Variants in R3HDM1 observed in about 807,000 individuals in gnomAD.
The protein encoded by R3HDM1 is R3H domain-containing protein 1.
A neutral mutation model predicts 141.1 loss-of-function variants in R3HDM1; 46 were observed. The ratio of observed to expected loss-of-function variants is 0.33; its 90% CI spans 0.26 to 0.42. The LOEUF (loss-of-function observed/expected upper bound fraction) is 0.42, where lower values mean the gene tolerates loss of function less well. R3HDM1 is among the 10% of genes least tolerant of loss of function. The probability of loss-of-function intolerance (pLI) is 1.00; values close to 1 mark genes in which losing one functional copy is unlikely to be tolerated. For synonymous variants in R3HDM1, 435 were observed against 472.9 expected, an observed-to-expected ratio of 0.92 and a Z score of 1.04; for missense variants, 1,184 against 1,368.3, an observed-to-expected ratio of 0.87 and a Z score of 2.12.
chr2:135,666,241 G>A (rs1021582325), intron 19 of R3HDM1, among the ~76,000 whole-genome samples: 1 of 152,184 alleles, frequency 6.6e-6, no homozygotes, highest in Non-Finnish European at 1.5e-5. Context: ...GCAAAGAAAA[G>A]TCAGCACTAC....
chr2:135,580,670 C>T (rs1236859650), intron 1 of R3HDM1, among the ~76,000 whole-genome samples: 2 of 152,174 alleles, frequency 1.3e-5, no homozygotes, highest in African/African-American at 4.8e-5. Flanking sequence ...AAACTTCACT[C>T]ACAAGGCCTT....
chr2:135,697,051 C>T (rs1460666624), intron 21 of R3HDM1, among the ~76,000 whole-genome samples: 5 of 151,788 alleles, frequency 3.3e-5, no homozygotes, highest in Non-Finnish European at 5.9e-5. Flanking sequence ...GGTGAGAGAT[C>T]GGGGGGAAAC....
intron 1 of R3HDM1, chr2:135,586,794 AC>A: frequency 1.0e-6 from 1 of 985,246 alleles, no homozygotes; most frequent in African/African-American, 1.7e-5. Context: ...AGAATGGTTT[AC>A]CTGTGTGCTA....
intron 3 of R3HDM1, among the ~76,000 whole-genome samples, chr2:135,611,090 T>A: frequency 7.1e-6 from 1 of 140,186 alleles, no homozygotes. Flanking sequence ...GGCAACAGAG[T>A]AAGACCTGTC....
At chr2:135,720,676 G>T (rs1368452823) in intron 24 of R3HDM1, among the ~76,000 whole-genome samples, 2 of 152,134 alleles carry the variant, frequency 1.3e-5, no homozygotes, top group African/African-American at 4.8e-5. Context: ...TTCTGAACAG[G>T]TTCAAATTAT....
chr2:135,700,067 A>G (rs1036480692), intron 21 of R3HDM1, among the ~76,000 whole-genome samples: 3 of 152,180 alleles, frequency 2.0e-5, no homozygotes, highest in East Asian at 1.9e-4. Context: ...TTTAAATTCT[A>G]CCTCTAAAAT....
chr2:135,619,537 A>G (rs2061360424), intron 5 of R3HDM1, among the ~76,000 whole-genome samples: 1 of 152,208 alleles, frequency 6.6e-6, no homozygotes, highest in Non-Finnish European at 1.5e-5. Context: ...TCTCTTAGAT[A>G]CAATAAGCTT....
chr2:135,722,330 C>T, intron 25 of R3HDM1, 139 bp from the exon 26 acceptor site: 1 of 826,398 alleles, frequency 1.2e-6, no homozygotes, highest in East Asian at 2.7e-5. Flanking sequence ...CAGGCAGAAT[C>T]CAGAAGGCCT....
At position 135,531,597 on chromosome 2, in the gene R3HDM1, C is replaced by G. The variant is rs1694692983; in HGVS notation, c.-286C>G. ...CCAGCCCCGCCGTCGCCCCGCCGCGCCGCGCTCCAACCGCCTCCTCCTCCT... is the reference window on the plus strand; with the variant it reads ...CCAGCCCCGCCGTCGCCCCGCCGCGGCGCGCTCCAACCGCCTCCTCCTCCT... On this transcript the variant is annotated 5_prime_UTR_variant, in exon 1 of 27. Transcript: ENST00000683871. The G allele has an allele frequency of 5.1e-6, 5 of 987,032 alleles. No individual in the cohort carries two copies. The highest frequency in any genetic ancestry group is 6.0e-6 in the Non-Finnish European group (5 of 830,824). 61.1% of individuals were successfully genotyped at this position (987,032 alleles called of 1,614,324 possible).
At chr2:135,714,552 G>T (rs932989099) in intron 23 of R3HDM1, among the ~76,000 whole-genome samples, 1 of 152,138 alleles carries the variant, frequency 6.6e-6, no homozygotes, top group Non-Finnish European at 1.5e-5. Context: ...GGACATTAGT[G>T]GGACACTTGG....
chr2:135,710,630 A>ACTC (rs1380581266), intron 23 of R3HDM1, among the ~76,000 whole-genome samples: 1 of 152,198 alleles, frequency 6.6e-6, no homozygotes, highest in Non-Finnish European at 1.5e-5. Context: ...AGCCTGGGCA[A>ACTC]CAAGAGTGTA....
intron 24 of R3HDM1, among the ~76,000 whole-genome samples, chr2:135,718,402 CAT>C (rs896956243): frequency 1.3e-5 from 2 of 152,170 alleles, no homozygotes; most frequent in Admixed American, 1.3e-4. Context: ...TCAGCCCACA[CAT>C]GTAGAAGACT....
chr2:135,719,764 C>T (rs2076528490), intron 24 of R3HDM1, among the ~76,000 whole-genome samples: 1 of 151,898 alleles, frequency 6.6e-6, no homozygotes, highest in African/African-American at 2.4e-5. Flanking sequence ...TCTGTTAATG[C>T]TAAGTTTTTG....
chr2:135,669,638 T>G, intron 19 of R3HDM1: 5 of 893,430 alleles, frequency 5.6e-6, no homozygotes, highest in Non-Finnish European at 6.7e-6. Flanking sequence ...CAGACAGCTG[T>G]GTGCAGCTCT....
chr2:135,567,381 A>G (rs1392076695), intron 1 of R3HDM1, among the ~76,000 whole-genome samples: 1 of 152,200 alleles, frequency 6.6e-6, no homozygotes, highest in African/African-American at 2.4e-5. Flanking sequence ...GAATGAGTAC[A>G]TTGTGTATAT....
At chr2:135,682,807 G>C (rs894560041) in intron 21 of R3HDM1, among the ~76,000 whole-genome samples, 2 of 152,070 alleles carry the variant, frequency 1.3e-5, no homozygotes, top group Non-Finnish European at 2.9e-5. Flanking sequence ...GACCAGCCTG[G>C]CCAACATGGT....
rs185514720 is a variant in R3HDM1, at chr2:135,613,410, G to A, written c.172-2742G>A. Among the ~76,000 whole-genome samples, 253 of 152,122 alleles carry A rather than the reference G, an allele frequency of 1.7e-3. 1 individual carries two copies. The highest frequency in any genetic ancestry group is 5.4e-3 in the African/African-American group (226 of 41,492). On this transcript the variant is annotated intron_variant, in intron 3 of 26. Coordinates refer to ENST00000683871, the MANE Select transcript of R3HDM1 (RefSeq NM_001378107.1). Reference sequence around the variant, plus strand: ...CTTTAAATCTCTCTGACTTGCCCCCGTGCTCCCACCAGAGAAATGTTTGAG... The same window carrying A: ...CTTTAAATCTCTCTGACTTGCCCCCATGCTCCCACCAGAGAAATGTTTGAG...
At position 135,638,907 on chromosome 2, in the gene R3HDM1, A is replaced by T. The variant is rs771510654; in HGVS notation, c.1004A>T (p.Asp335Val). ...QRRQIFRVNK[D>V]ASGRSTNSHQ... Reference sequence around the variant, plus strand: ...TTTCTAAATTACAGAGTTAATAAAGATGCTTCAGGGAGATCTACAAATAGC... The same window carrying T: ...TTTCTAAATTACAGAGTTAATAAAGTTGCTTCAGGGAGATCTACAAATAGC... Residue 335 changes from aspartate to valine, a missense_variant, in exon 14 of 27, where the codon GAT (aspartate) becomes GTT (valine). This residue lies in a region of R3HDM1 where 240 missense variants were observed against 312.3 expected (regional missense o/e 0.77). Coordinates refer to ENST00000683871, the MANE Select transcript of R3HDM1 (RefSeq NM_001378107.1). The T allele has an allele frequency of 6.2e-7, 1 of 1,613,672 alleles. No individual in the cohort carries two copies. Among genetic ancestry groups the T allele is most frequent in the South Asian group, 1.1e-5 (1 of 91,016 alleles).
At chr2:135,558,584 T>G (rs1701207710) in intron 1 of R3HDM1, among the ~76,000 whole-genome samples, 1 of 152,234 alleles carries the variant, frequency 6.6e-6, no homozygotes, top group Admixed American at 6.5e-5. Context: ...GTCTTTATTG[T>G]CATTGTTATA....
Sources: allele counts gnomAD v4.1 joint callset (sites outside exome capture counted in the v4.1 genomes callset), GRCh38; gene constraint gnomAD v4.1.1; regional missense constraint gnomAD v4.1.1; transcripts MANE v1.5; gene names NCBI Gene and HGNC (gene_info 2026-07-23, HGNC 2026-07-21).